SYNPO: variants seen among roughly 807,000 people sequenced by gnomAD.
SYNPO encodes the protein synaptopodin.
A neutral mutation model predicts 49.5 loss-of-function variants in SYNPO; 19 were observed. The observed-to-expected ratio is 0.38, with a 90% confidence interval of 0.27 to 0.56. SYNPO has a LOEUF of 0.56. Among genes scored for constraint, SYNPO ranks in the 20% least tolerant of loss-of-function variants. The pLI is 0.68. For missense variants in SYNPO, 1,131 were observed against 1,248.3 expected, an observed-to-expected ratio of 0.91 and a Z score of 1.42; for synonymous variants, 536 against 548.0, an observed-to-expected ratio of 0.98 and a Z score of 0.31.
chr5:150,620,317 TA>T (rs1757112514), intron 2 of SYNPO, among the ~76,000 whole-genome samples: 1 of 152,236 alleles, frequency 6.6e-6, no homozygotes, highest in Non-Finnish European at 1.5e-5. Context: ...AGCTCAACAA[TA>T]GGACTGCTAT....
intron 1 of SYNPO, among the ~76,000 whole-genome samples, chr5:150,609,848 C>G (rs1378057298): frequency 6.6e-6 from 1 of 152,186 alleles, no homozygotes; most frequent in Non-Finnish European, 1.5e-5. Flanking sequence ...CTCTCCCCAT[C>G]TGCTGACTGC....
chr5:150,656,431 C>A lies in SYNPO; in HGVS notation c.2056C>A (p.Pro686Thr). ...QDRRESLPTS[P>T]PWTPGASRPP... The stretch of plus-strand genomic sequence containing the variant: ...CCGCCGGGAGAGCCTGCCCACCTCC[C>A]CACCCTGGACGCCGGGCGCGTCCCG... Residue 686 changes from proline (P) to threonine (T), a missense_variant, in exon 3 of 3, where the codon CCA becomes ACA. This residue lies in a region of SYNPO where 509 missense variants were observed against 484.5 expected (regional missense o/e 1.05). Coordinates refer to ENST00000307662, the MANE Select transcript of SYNPO (RefSeq NM_007286.6). 6.5e-7 allele frequency: 1 copy of A among 1,532,048 alleles called. No individual in the cohort carries two copies. Among genetic ancestry groups the A allele is most frequent in the Non-Finnish European group, 8.7e-7 (1 of 1,145,306 alleles). The allele number at this position is 1,532,048 out of a possible 1,614,324, so 94.9% of individuals were successfully genotyped here.
intron 2 of SYNPO, among the ~76,000 whole-genome samples, chr5:150,635,321 G>A (rs1757679571): frequency 6.6e-6 from 1 of 152,262 alleles, no homozygotes; most frequent in Non-Finnish European, 1.5e-5. Context: ...CATACGTGCA[G>A]AGGAGGATGT....
the SYNPO span, among the ~76,000 whole-genome samples, chr5:150,588,892 T>G: frequency 6.6e-6 from 1 of 152,032 alleles, no homozygotes; most frequent in African/African-American, 2.4e-5. Flanking sequence ...AAAAATAAAT[T>G]TTCCTTCCCC....
At chr5:150,586,752 G>C in the SYNPO span, among the ~76,000 whole-genome samples, 3 of 152,190 alleles carry the variant, frequency 2.0e-5, no homozygotes, top group African/African-American at 7.2e-5. Context: ...TCAGGCCCTG[G>C]AATATAGTAA....
upstream of SYNPO, among the ~76,000 whole-genome samples, chr5:150,600,639 C>T (rs1756504898): frequency 6.6e-6 from 1 of 152,094 alleles, no homozygotes; most frequent in Non-Finnish European, 1.5e-5. Flanking sequence ...GGGCAGGGGG[C>T]TGGATTCCAG....
chr5:150,648,443 C>G lies in SYNPO; in HGVS notation c.168C>G (p.Ala56=). 1 of 1,614,186 alleles carries G rather than the reference C, an allele frequency of 6.2e-7. No homozygotes were observed. Among genetic ancestry groups the G allele is most frequent in the South Asian group, 1.1e-5 (1 of 91,088 alleles). The stretch of plus-strand genomic sequence containing the variant: ...GAGAGGCCCAGCAGTCCTCACCGGC[C>G]CCACCTCCAGCTGAGGTCCACAGCC... ...QNREAQQSSP[A]PPPAEVHSPA... Residue 56 remains alanine (A), a synonymous_variant, in exon 2 of 3, where the codon GCC becomes GCG. Transcript: ENST00000307662. This position sits in a 1 kb window ranked among gnomAD's most constrained non-coding sequence, Gnocchi z 5.0.
chr5:150,643,450 A>G (rs908680813), intron 1 of SYNPO, among the ~76,000 whole-genome samples: 1 of 152,216 alleles, frequency 6.6e-6, no homozygotes, highest in Non-Finnish European at 1.5e-5. Context: ...GCAGGACTAG[A>G]GATGTTTATC....
At position 150,656,782 on chromosome 5, in the gene SYNPO, C is replaced by T. The variant is rs1458593978; in HGVS notation, c.2407C>T (p.Arg803Cys). The T allele has an allele frequency of 2.4e-6, 3 of 1,249,606 alleles. No individual in the cohort carries two copies. Among genetic ancestry groups the T allele is most frequent in the Non-Finnish European group, 2.0e-6 (2 of 998,098 alleles). 77.4% of individuals were successfully genotyped at this position (1,249,606 alleles called of 1,614,324 possible). A position where few individuals can be genotyped will look rare whatever the true frequency, so the allele number is the denominator to read the frequency against. Residue 803 changes from arginine to cysteine, a missense_variant, in exon 3 of 3, where the codon CGC becomes TGC. Around this residue, in one of 4 missense-constraint regions of SYNPO, gnomAD observed 509 missense variants for 484.5 expected, o/e 1.05. Transcript: ENST00000307662. ...GCCCCCGCCCCCGCCCCCGCGCATG[C>T]GCTCGCCACAGCCCGCCCGCCCCGG... ...PPPPPPPPRM[R>C]SPQPARPGSA...
At chr5:150,593,872 AGT>A in the SYNPO span, among the ~76,000 whole-genome samples, 1 of 152,194 alleles carries the variant, frequency 6.6e-6, no homozygotes, top group Non-Finnish European at 1.5e-5. Context: ...GTAAATGGGC[AGT>A]GTGTGGTCAG....
At chr5:150,595,070 A>T in the SYNPO span, among the ~76,000 whole-genome samples, 3 of 152,192 alleles carry the variant, frequency 2.0e-5, no homozygotes, top group African/African-American at 7.2e-5. Context: ...TGCCTAAAAA[A>T]TTGGAAGACC....
At position 150,656,443 on chromosome 5, in the gene SYNPO, C is replaced by T. The variant is rs1273419728; in HGVS notation, c.2068C>T (p.Pro690Ser). Residue 690 changes from proline (P) to serine (S), a missense_variant, in exon 3 of 3, where the codon CCG becomes TCG. By Grantham distance (74) the Pro-to-Ser change is moderately conservative (BLOSUM62 -1). Coordinates refer to ENST00000307662, the MANE Select transcript of SYNPO (RefSeq NM_007286.6). The stretch of plus-strand genomic sequence containing the variant: ...CCTGCCCACCTCCCCACCCTGGACG[C>T]CGGGCGCGTCCCGGCCCCCCAGCAG... ...ESLPTSPPWT[P>S]GASRPPSSLD... 3.9e-6 allele frequency: 6 copies of T among 1,532,150 alleles called. No homozygotes were observed. The highest frequency in any genetic ancestry group is 2.5e-5 in the East Asian group (1 of 40,594). 94.9% of individuals were successfully genotyped at this position (1,532,150 alleles called of 1,614,324 possible). A position where few individuals can be genotyped will look rare whatever the true frequency, so the allele number is the denominator to read the frequency against.
At chr5:150,641,742 C>T (rs982109025) in intron 1 of SYNPO, among the ~76,000 whole-genome samples, 7 of 152,206 alleles carry the variant, frequency 4.6e-5, no homozygotes, top group African/African-American at 1.7e-4. Context: ...GTCCTTTCTA[C>T]CTTAGTAAGA....
rs1353260267 is a variant in SYNPO, at chr5:150,656,938, C to T, written c.2563C>T (p.Pro855Ser). 1.3e-6 allele frequency: 2 copies of T among 1,581,912 alleles called. No individual in the cohort carries two copies. Among genetic ancestry groups the T allele is most frequent in the Non-Finnish European group, 1.7e-6 (2 of 1,164,918 alleles). The stretch of plus-strand genomic sequence containing the variant: ...CAGGCCCTTCCTCTACCGCCGCTCG[C>T]CCACGGACTCCGACGTGTCCCTCGA... ...PPRPFLYRRSPTDSDVSLDSE... is the reference protein window; with the variant it reads ...PPRPFLYRRSSTDSDVSLDSE... The change falls in exon 3 of 3, where the codon CCC (proline) becomes TCC (serine). Residue 855 changes from proline to serine, a missense_variant. Around this residue, in one of 4 missense-constraint regions of SYNPO, gnomAD observed 509 missense variants for 484.5 expected, o/e 1.05. Coordinates refer to ENST00000307662, the MANE Select transcript of SYNPO (RefSeq NM_007286.6).
In SYNPO at chr5:150,649,017, C is replaced by A; in HGVS notation, c.742C>A (p.Pro248Thr). 6.2e-7 allele frequency: 1 copy of A among 1,614,230 alleles called. No homozygotes were observed. Residue 248 changes from proline to threonine, a missense_variant, in exon 2 of 3, where the codon CCA becomes ACA. Physicochemically the swap from Pro to Thr is conservative, Grantham distance 38. Around this residue, in one of 4 missense-constraint regions of SYNPO, gnomAD observed 602 missense variants for 720.7 expected, o/e 0.84. Coordinates refer to ENST00000307662, the MANE Select transcript of SYNPO (RefSeq NM_007286.6). ...GGCCAGGCCTTTTGGGATCCAGGCGCCAGGGGGCACCAGCCAGATGGAGAG... is the reference window on the plus strand; with the variant it reads ...GGCCAGGCCTTTTGGGATCCAGGCGACAGGGGGCACCAGCCAGATGGAGAG... ...RTARPFGIQA[P>T]GGTSQMERSP...
Position 150,656,527 on chromosome 5 carries a change from AG to A in SYNPO, c.2153del (p.Ser718ThrfsTer221). On this transcript the variant is annotated frameshift_variant, in exon 3 of 3. Transcript: ENST00000307662. LOFTEE classifies it high-confidence loss of function. ...GCCAGGTCGCGGGAGCAGCATGAGC[AG>A]CCCCCCGCCGCTGCCGCCGCCACCG... The part of the protein sequence containing the change: ...WEPGRGSSMS[S>X]PPPLPPPPPM... The A allele has an allele frequency of 6.5e-7, 1 of 1,528,580 alleles. No homozygotes were observed. Among genetic ancestry groups the A allele is most frequent in the Non-Finnish European group, 8.7e-7 (1 of 1,144,108 alleles). The allele number at this position is 1,528,580 out of a possible 1,614,324, so 94.7% of individuals were successfully genotyped here. A position where few individuals can be genotyped will look rare whatever the true frequency, so the allele number is the denominator to read the frequency against.
In SYNPO at chr5:150,657,106, A is replaced by G; in HGVS notation, c.*19A>G. The G allele has an allele frequency of 7.5e-7, 1 of 1,338,042 alleles. No homozygotes were observed. Among genetic ancestry groups the G allele is most frequent in the Non-Finnish European group, 1.0e-6 (1 of 1,001,684 alleles). 82.9% of individuals were successfully genotyped at this position (1,338,042 alleles called of 1,614,324 possible). A position where few individuals can be genotyped will look rare whatever the true frequency, so the allele number is the denominator to read the frequency against. On this transcript the variant is annotated 3_prime_UTR_variant, in exon 3 of 3. Coordinates refer to ENST00000307662, the MANE Select transcript of SYNPO (RefSeq NM_007286.6). ...CACCTAGAGCCCCACCCCCGACCCC[A>G]CCCCGGGAGGGCAGAGCCAGAAGAA...
At chr5:150,611,320 T>C (rs1237820962) in intron 1 of SYNPO, among the ~76,000 whole-genome samples, 2 of 152,230 alleles carry the variant, frequency 1.3e-5, no homozygotes, top group African/African-American at 4.8e-5. Context: ...GTTCTGTGAA[T>C]ATGCATTGAG....
At chr5:150,622,632 G>A (rs952033665) in intron 2 of SYNPO, among the ~76,000 whole-genome samples, 4 of 152,232 alleles carry the variant, frequency 2.6e-5, no homozygotes, top group South Asian at 2.1e-4. Context: ...CCTGCCACTG[G>A]ACATGTCTGT....
Sources: allele counts gnomAD v4.1 joint callset (sites outside exome capture counted in the v4.1 genomes callset), GRCh38; gene constraint gnomAD v4.1.1; regional missense constraint gnomAD v4.1.1; non-coding constraint Gnocchi (gnomAD v3.1); transcripts MANE v1.5; gene names NCBI Gene and HGNC (gene_info 2026-07-23, HGNC 2026-07-21).